The following DNAH17 variants were observed in gnomAD, a reference collection of about 807,000 sequenced individuals.
DNAH17 encodes axonemal beta dynein heavy chain 17.
A neutral mutation model predicts 485.6 loss-of-function variants in DNAH17; 376 were observed. That is an observed-to-expected ratio of 0.77 (90% CI 0.71 to 0.84). DNAH17 has a LOEUF of 0.84. Ranked by LOEUF, DNAH17 falls within the 40% of genes least tolerant of loss-of-function variation. The pLI is 0.00. For missense variants in DNAH17, 6,370 were observed against 5,839.3 expected (o/e 1.09, Z -2.96); for synonymous variants, 3,031 against 2,405.9 (o/e 1.26, Z -7.60).
At chr17:78,486,986 CTTTTTTTT>C (rs200078316) in intron 44 of DNAH17, among the ~76,000 whole-genome samples, 25,825 of 128,650 alleles carry the variant, frequency 0.2, 2,325 homozygotes, top group African/African-American at 0.23. Flanking sequence ...CCCCTTGGTG[CTTTTTTTT>C]TTTTTTTTTT....
chr17:78,492,810 C>T, intron 41 of DNAH17, 45 bp from the exon 42 acceptor site: 1 of 1,590,254 alleles, frequency 6.3e-7, no homozygotes, highest in Non-Finnish European at 8.6e-7. Context: ...ATGTTCCTGG[C>T]ACATCCTGCC....
chr17:78,523,827 C>G (rs1173881055), intron 25 of DNAH17, among the ~76,000 whole-genome samples: 1 of 152,200 alleles, frequency 6.6e-6, no homozygotes. Flanking sequence ...GAGGATTGCT[C>G]GAGCCCAGGA....
intron 54 of DNAH17, among the ~76,000 whole-genome samples, chr17:78,469,870 G>A (rs193154636): frequency 3.9e-4 from 59 of 152,216 alleles, no homozygotes; most frequent in Non-Finnish European, 3.7e-4. Flanking sequence ...CCCTAAAGTA[G>A]TCAAAGTCAG....
chr17:78,574,581 G>A, intron 2 of DNAH17, 132 bp downstream of exon 2: 2 of 773,964 alleles, frequency 2.6e-6, no homozygotes. Context: ...CCGAGCGCCT[G>A]CATTTCCAAT....
At chr17:78,521,416 AAG>A (rs2090930694) in intron 25 of DNAH17, among the ~76,000 whole-genome samples, 2 of 152,114 alleles carry the variant, frequency 1.3e-5, no homozygotes, top group African/African-American at 2.4e-5. Flanking sequence ...CAAAGAAAAA[AAG>A]AATTTTTTTT....
At chr17:78,472,840 A>AC in intron 54 of DNAH17, 1 of 422,756 alleles carries the variant, frequency 2.4e-6, no homozygotes, top group South Asian at 1.6e-5. Context: ...CACCCAGGTC[A>AC]CCCTTCAGCA....
chr17:78,554,473 G>GAAAT (rs1568246690), intron 14 of DNAH17, among the ~76,000 whole-genome samples: 9 of 124,748 alleles, frequency 7.2e-5, no homozygotes, highest in South Asian at 2.5e-4. Flanking sequence ...AAAAAAAAAG[G>GAAAT]ATAGGTTCTA....
At chr17:78,525,634 G>C (rs571609211) in intron 24 of DNAH17, among the ~76,000 whole-genome samples, 5 of 152,350 alleles carry the variant, frequency 3.3e-5, no homozygotes, top group East Asian at 1.9e-4. Flanking sequence ...GCGTGGACAC[G>C]TAACAGGCAG....
At chr17:78,456,654 C>T (rs1358615177) in intron 62 of DNAH17, among the ~76,000 whole-genome samples, 1 of 152,188 alleles carries the variant, frequency 6.6e-6, no homozygotes, top group Non-Finnish European at 1.5e-5. Context: ...AGAGGCACAC[C>T]ACGGGTCTGA....
chr17:78,449,351 C>G (rs954789913), intron 69 of DNAH17, 63 bp downstream of exon 69: 2 of 1,494,344 alleles, frequency 1.3e-6, no homozygotes, highest in African/African-American at 1.4e-5. Flanking sequence ...CCACAAAGCT[C>G]CCAGGGGTCA....
chr17:78,542,117 G>GCCC (rs60167499), intron 17 of DNAH17, among the ~76,000 whole-genome samples: 4 of 18,168 alleles, frequency 2.2e-4, no homozygotes, highest in African/African-American at 5.6e-4. Flanking sequence ...ACTGGAAACC[G>GCCC]CCCCCCCCAA....
intron 74 of DNAH17, among the ~76,000 whole-genome samples, chr17:78,436,489 G>A (rs576542761): frequency 6.6e-6 from 1 of 152,160 alleles, no homozygotes; most frequent in South Asian, 2.1e-4. Flanking sequence ...GATCAAGTTT[G>A]TGCACACAAA....
intron 27 of DNAH17, 41 bp downstream of exon 27, chr17:78,510,343 T>C: frequency 6.2e-7 from 1 of 1,602,916 alleles, no homozygotes; most frequent in Non-Finnish European, 8.5e-7. Flanking sequence ...AGTTTCAGGC[T>C]GATCCCACGT....
Position 78,468,735 on chromosome 17 carries a change from T to A in DNAH17, c.8660A>T (p.Glu2887Val), listed in dbSNP as rs935647421. Residue 2887 changes from glutamate (E) to valine (V), a missense_variant, in exon 55 of 81, where the codon GAG becomes GTG. Coordinates refer to ENST00000389840, the MANE Select transcript of DNAH17 (RefSeq NM_173628.4). ...GGAGATGATGTTCTCCACCTCGTCC[T>A]CCATAAACAGCCCAGGGATCTCTCC... ...ASGEIPGLFM[E>V]DEVENIISSM... 6.2e-7 allele frequency: 1 copy of A among 1,614,040 alleles called. No homozygotes were observed. Among genetic ancestry groups the A allele is most frequent in the Non-Finnish European group, 8.5e-7 (1 of 1,179,886 alleles).
chr17:78,476,546 C>G (rs761844624), intron 52 of DNAH17, 26 bp downstream of exon 52: 12 of 1,596,182 alleles, frequency 7.5e-6, no homozygotes, highest in Middle Eastern at 1.7e-4. Context: ...CTGGGCTCGG[C>G]AGAGGGACTG....
chr17:78,428,783 CT>C, intron 76 of DNAH17, 76 bp from the exon 77 acceptor site: 3 of 1,541,756 alleles, frequency 1.9e-6, no homozygotes, highest in Non-Finnish European at 2.7e-6. Flanking sequence ...TTAAGCATTC[CT>C]TGCCAGAACG....
chr17:78,488,602 C>T (rs1478208266), intron 44 of DNAH17, among the ~76,000 whole-genome samples: 1 of 152,066 alleles, frequency 6.6e-6, no homozygotes, highest in Non-Finnish European at 1.5e-5. Context: ...CTTTGCCTAC[C>T]CTGAAAACTC....
At chr17:78,571,169 C>G in intron 5 of DNAH17, 110 bp downstream of exon 5, 2 of 1,296,712 alleles carry the variant, frequency 1.5e-6, no homozygotes, top group Non-Finnish European at 2.2e-6. Flanking sequence ...GCTGAGAAAG[C>G]TGCTCGCAGA....
chr17:78,551,721 T>TG lies in DNAH17; in HGVS notation c.2288-84dup, dbSNP rs541171188. The TG allele has an allele frequency of 1.8e-4, 253 of 1,377,636 alleles. 1 individual carries two copies. The East Asian group carries it at 5.7e-3, about 31-fold the overall frequency. 85.3% of individuals were successfully genotyped at this position (1,377,636 alleles called of 1,614,324 possible). On this transcript the variant is annotated intron_variant, in intron 15 of 80. Coordinates refer to ENST00000389840, the MANE Select transcript of DNAH17 (RefSeq NM_173628.4). ...GCTCAAGCTTGTAATCTCAGCCCTT[T>TG]GGGAGGTCAGGGCAGGCGAATCACG...
Sources: gnomAD v4.1 joint callset for allele counts (sites outside exome capture counted in the v4.1 genomes callset) on GRCh38, gnomAD v4.1.1 for gene constraint, MANE v1.5 for transcripts, NCBI Gene and HGNC (gene_info 2026-07-23, HGNC 2026-07-21) for gene names.